The following TMEM232 variants were observed in gnomAD, a reference collection of about 807,000 sequenced individuals.
TMEM232 encodes transmembrane protein 232.
A neutral mutation model predicts 78.8 loss-of-function variants in TMEM232; 80 were observed. The observed-to-expected ratio is 1.01, with a 90% confidence interval of 0.85 to 1.22. The LOEUF (loss-of-function observed/expected upper bound fraction) is 1.22, where lower values mean the gene tolerates loss of function less well. TMEM232 is among the 50% of genes most tolerant of loss of function. The probability of loss-of-function intolerance (pLI) is 0.00; values close to 1 mark genes in which losing one functional copy is unlikely to be tolerated. For synonymous variants in TMEM232, 297 were observed against 254.3 expected (o/e 1.17, Z -1.60); for missense variants, 881 against 742.2 (o/e 1.19, Z -2.17).
intron 5 of TMEM232, chr5:110,628,851 A>T (rs1784760938): frequency 6.6e-6 from 1 of 152,116 alleles, no homozygotes; most frequent in Non-Finnish European, 1.5e-5. Flanking sequence ...ATTTGAACCC[A>T]GGAATGTATG....
At chr5:110,502,421 T>A (rs938803199) in intron 12 of TMEM232, among the ~76,000 whole-genome samples, 6 of 152,208 alleles carry the variant, frequency 3.9e-5, no homozygotes, top group African/African-American at 1.4e-4. Context: ...ATAATTAGTA[T>A]AAACCTAGGT....
intron 11 of TMEM232, among the ~76,000 whole-genome samples, chr5:110,553,246 C>CT (rs1234391130): frequency 2.0e-5 from 3 of 151,700 alleles, no homozygotes; most frequent in South Asian, 2.1e-4. Context: ...AATTTGAGAA[C>CT]TTTTTTTTCT....
chr5:110,484,335 C>G (rs181156408), intron 12 of TMEM232, among the ~76,000 whole-genome samples: 24 of 150,972 alleles, frequency 1.6e-4, no homozygotes, highest in Non-Finnish European at 2.4e-4. Flanking sequence ...AGTGAAAAAT[C>G]GAAAAAATAT....
At chr5:110,725,176 C>T (rs949478940) in intron 1 of TMEM232, among the ~76,000 whole-genome samples, 2 of 152,062 alleles carry the variant, frequency 1.3e-5, no homozygotes, top group Non-Finnish European at 2.9e-5. Context: ...ATGAAACTAC[C>T]TCGAAAAGCT....
At position 110,523,696 on chromosome 5, in the gene TMEM232, T is replaced by C. The variant is rs184175558; in HGVS notation, c.1703+4892A>G. ...GACCTGGAATGGCGAATCATGCTTA[T>C]AATCCCAGCAGTTTGGGAGGTAAAA... On this transcript the variant is annotated intron_variant, in intron 12 of 13. Transcript: ENST00000455884. Among the ~76,000 whole-genome samples the C allele has an allele frequency of 9.2e-5, 14 of 152,142 alleles. No homozygotes were observed. The East Asian group carries it at 2.7e-3, about 29-fold the overall frequency.
intron 10 of TMEM232, among the ~76,000 whole-genome samples, chr5:110,587,691 A>ATGTGTGTGTGTGTG (rs147127408): frequency 1.6e-5 from 1 of 63,132 alleles, no homozygotes; most frequent in Admixed American, 2.2e-4. Flanking sequence ...ATATATATAT[A>ATGTGTGTGTGTGTG]TGTGTGTGTG....
chr5:110,576,762 C>T (rs1239357816), intron 10 of TMEM232, among the ~76,000 whole-genome samples: 4 of 152,104 alleles, frequency 2.6e-5, no homozygotes, highest in East Asian at 3.9e-4. Context: ...TTCAGTAAAC[C>T]TAACAAAAAC....
At chr5:110,427,924 C>A (rs1303404603) in intron 12 of TMEM232, among the ~76,000 whole-genome samples, 1 of 151,786 alleles carries the variant, frequency 6.6e-6, no homozygotes, top group African/African-American at 2.4e-5. Context: ...ACATGTAATG[C>A]ATAATAATCA....
At chr5:110,396,775 C>T (rs1395266894) in intron 3 of TMEM232, among the ~76,000 whole-genome samples, 1 of 152,188 alleles carries the variant, frequency 6.6e-6, no homozygotes, top group Non-Finnish European at 1.5e-5. Flanking sequence ...TTTAATCCCA[C>T]ATTGAGTCTT....
intron 10 of TMEM232, among the ~76,000 whole-genome samples, chr5:110,599,549 A>G (rs1322917306): frequency 6.6e-6 from 1 of 152,192 alleles, no homozygotes; most frequent in African/African-American, 2.4e-5. Context: ...CTTTAAGCCA[A>G]CAAAGATAAA....
chr5:110,621,109 C>G (rs1783693272), intron 7 of TMEM232, among the ~76,000 whole-genome samples: 1 of 151,842 alleles, frequency 6.6e-6, no homozygotes, highest in Non-Finnish European at 1.5e-5. Flanking sequence ...GTGATGCACC[C>G]GCCTCTGCCT....
intron 1 of TMEM232, among the ~76,000 whole-genome samples, chr5:110,708,999 G>A (rs189889684): frequency 1.1e-4 from 16 of 151,984 alleles, no homozygotes; most frequent in East Asian, 3.9e-4. Context: ...TACTTCACCC[G>A]TAAAGATACA....
chr5:110,700,771 TA>T, intron 1 of TMEM232, among the ~76,000 whole-genome samples: 1 of 126,862 alleles, frequency 7.9e-6, no homozygotes, highest in Non-Finnish European at 1.7e-5. Flanking sequence ...GGTAGGTAGG[TA>T]GATAGATAGA....
chr5:110,398,787 A>G (rs1232203987), intron 2 of TMEM232, among the ~76,000 whole-genome samples: 1 of 152,134 alleles, frequency 6.6e-6, no homozygotes, highest in Non-Finnish European at 1.5e-5. Context: ...TTCTCCAGTA[A>G]ACATTAGCTG....
intron 12 of TMEM232, among the ~76,000 whole-genome samples, chr5:110,516,142 C>A (rs768816281): frequency 1.3e-5 from 2 of 152,006 alleles, no homozygotes; most frequent in African/African-American, 4.8e-5. Flanking sequence ...AGGAGGCTGA[C>A]GCAGGAGAAC....
chr5:110,627,431 A>T (rs1358142682), intron 6 of TMEM232, among the ~76,000 whole-genome samples: 1 of 152,088 alleles, frequency 6.6e-6, no homozygotes, highest in Non-Finnish European at 1.5e-5. Flanking sequence ...GAAGGGGGAG[A>T]TATCAGAGTG....
At chr5:110,702,452 C>T (rs567539326) in intron 1 of TMEM232, among the ~76,000 whole-genome samples, 5 of 152,096 alleles carry the variant, frequency 3.3e-5, no homozygotes, top group Non-Finnish European at 5.9e-5. Context: ...GTATCTCACT[C>T]TGTAGAAGCT....
intron 8 of TMEM232, 118 bp from the exon 9 acceptor site, chr5:110,606,405 C>A: frequency 9.7e-7 from 1 of 1,027,676 alleles, no homozygotes; most frequent in Non-Finnish European, 1.3e-6. Context: ...TTACCAGATA[C>A]ATTTATTTTC....
intron 1 of TMEM232, among the ~76,000 whole-genome samples, chr5:110,715,232 C>T (rs1468524468): frequency 6.6e-6 from 1 of 151,636 alleles, no homozygotes; most frequent in African/African-American, 2.4e-5. Flanking sequence ...TTAGGTCATT[C>T]ATGAAGGAGC....
Sources: allele counts gnomAD v4.1 joint callset (sites outside exome capture counted in the v4.1 genomes callset), GRCh38; gene constraint gnomAD v4.1.1; transcripts MANE v1.5; gene names NCBI Gene and HGNC (gene_info 2026-07-23, HGNC 2026-07-21).